Variants in ERLIN1 observed in about 807,000 individuals in gnomAD.
The protein encoded by ERLIN1 is erlin-1.
In ERLIN1, 24 loss-of-function variants were observed where a neutral mutation model predicts 46.9. That is an observed-to-expected ratio of 0.51 (90% confidence interval 0.37 to 0.72). ERLIN1 has a LOEUF of 0.72. ERLIN1 is among the 30% of genes least tolerant of loss of function. The probability of loss-of-function intolerance (pLI) is 0.00; values close to 1 mark genes in which losing one functional copy is unlikely to be tolerated. For missense variants in ERLIN1, 293 were observed against 417.9 expected, an observed-to-expected ratio of 0.70 and a Z score of 2.61; for synonymous variants, 158 against 143.2, an observed-to-expected ratio of 1.10 and a Z score of -0.74.
chr10:100,164,837 T>C (rs374760523), intron 7 of ERLIN1, among the ~76,000 whole-genome samples: 6 of 152,006 alleles, frequency 3.9e-5, no homozygotes, highest in African/African-American at 1.2e-4. Context: ...CTTCAGGCTA[T>C]AGGTGTATAT....
At chr10:100,155,748 T>G in intron 9 of ERLIN1, among the ~76,000 whole-genome samples, 1 of 152,136 alleles carries the variant, frequency 6.6e-6, no homozygotes. Context: ...TCTCCTGACC[T>G]TGTGATCCGC....
At chr10:100,154,471 A>G (rs1564796125) in intron 10 of ERLIN1, among the ~76,000 whole-genome samples, 1 of 152,234 alleles carries the variant, frequency 6.6e-6, no homozygotes. Flanking sequence ...CAACAATGAA[A>G]AAGTATCTCA....
In ERLIN1 at chr10:100,150,705, G is replaced by A. The variant is rs1170366788; in HGVS notation, c.*1426C>T. On this transcript the variant is annotated 3_prime_UTR_variant, in exon 11 of 11. Coordinates refer to ENST00000421367, the MANE Select transcript of ERLIN1 (RefSeq NM_006459.4). ...CCTGACAGCTGAAAGATTTCTAGAA[G>A]TGGTCCCATGACTTTTTTGTTGAGC... 7 of 152,606 alleles carry A rather than the reference G, an allele frequency of 4.6e-5. No individual in the cohort carries two copies. Among genetic ancestry groups the A allele is most frequent in the African/African-American group, 1.4e-4 (6 of 41,434 alleles). The allele number at this position is 152,606 out of a possible 1,614,324, so 9.5% of individuals were successfully genotyped here.
chr10:100,182,327 G>C (rs150867989), intron 2 of ERLIN1, among the ~76,000 whole-genome samples: 88 of 152,120 alleles, frequency 5.8e-4, no homozygotes, highest in Non-Finnish European at 1.0e-3. Context: ...ACTGCGCCGG[G>C]CCTTAGAGTC....
chr10:100,152,853 G>GC (rs1036905238), intron 10 of ERLIN1, among the ~76,000 whole-genome samples: 9 of 151,928 alleles, frequency 5.9e-5, no homozygotes, highest in African/African-American at 2.2e-4. Context: ...ACTGCACCCA[G>GC]CCTTTTTTTT....
chr10:100,175,743 T>C (rs1306255134), intron 5 of ERLIN1, among the ~76,000 whole-genome samples: 1 of 152,132 alleles, frequency 6.6e-6, no homozygotes, highest in African/African-American at 2.4e-5. Flanking sequence ...CAGAATACAG[T>C]CTGAGTAGTT....
rs1394539000 is a variant in ERLIN1 at position 100,158,386 on chromosome 10, CCAAA to C, written c.656-2156_656-2153del. On this transcript the variant is annotated intron_variant, in intron 8 of 10. Transcript: ENST00000421367. ...CATACTTGTAAATAGGTGCAAGCAG[CCAAA>C]CAAAATTGAAATAATACTGCCATAT... Among the ~76,000 whole-genome samples, 9 of 152,104 alleles carry C rather than the reference CCAAA, an allele frequency of 5.9e-5. No homozygotes were observed. In the East Asian group the frequency reaches 1.2e-3, roughly 20 times the overall value.
At chr10:100,178,003 C>T (rs1844408560) in intron 4 of ERLIN1, 130 bp downstream of exon 4, 8 of 657,832 alleles carry the variant, frequency 1.2e-5, no homozygotes, top group South Asian at 9.7e-5. Flanking sequence ...CTCTATTCCC[C>T]AGAAATTTAT....
chr10:100,154,752 C>T (rs759691783), intron 10 of ERLIN1, 108 bp downstream of exon 10: 3 of 856,680 alleles, frequency 3.5e-6, no homozygotes, highest in Non-Finnish European at 5.6e-6. Flanking sequence ...TTGGTCACTA[C>T]ACTTTCTTGA....
intron 8 of ERLIN1, among the ~76,000 whole-genome samples, chr10:100,162,076 A>G (rs375610824): frequency 9.2e-5 from 14 of 152,276 alleles, no homozygotes; most frequent in Middle Eastern, 3.4e-3. Context: ...AACTACACAT[A>G]TATGTATATC....
At chr10:100,162,473 C>T (rs1177907022) in intron 8 of ERLIN1, among the ~76,000 whole-genome samples, 1 of 152,072 alleles carries the variant, frequency 6.6e-6, no homozygotes, top group Non-Finnish European at 1.5e-5. Flanking sequence ...ATGGTAAAAT[C>T]AAAGAAGTAC....
intron 1 of ERLIN1, 23 bp downstream of exon 1, chr10:100,185,491 A>G (rs1365192036): frequency 7.7e-6 from 12 of 1,559,104 alleles, no homozygotes; most frequent in Non-Finnish European, 1.1e-5. Flanking sequence ...CTAGAGCCCT[A>G]ACTGACTGCA....
intron 7 of ERLIN1, among the ~76,000 whole-genome samples, chr10:100,166,482 G>T (rs1253569193): frequency 6.6e-6 from 1 of 151,406 alleles, no homozygotes; most frequent in Non-Finnish European, 1.5e-5. Context: ...GCTCAGAGAA[G>T]GTATGAGGGA....
chr10:100,160,522 CA>C (rs1215301871), intron 8 of ERLIN1, among the ~76,000 whole-genome samples: 1 of 152,092 alleles, frequency 6.6e-6, no homozygotes, highest in Non-Finnish European at 1.5e-5. Context: ...AAATTATCAG[CA>C]AACTATATAA....
chr10:100,169,395 A>T (rs1164251846), intron 6 of ERLIN1, among the ~76,000 whole-genome samples: 1 of 151,076 alleles, frequency 6.6e-6, no homozygotes, highest in East Asian at 1.9e-4. Flanking sequence ...TAATATAGTC[A>T]CTCCCTTAAA....
At chr10:100,181,113 C>A (rs996579450) in intron 2 of ERLIN1, among the ~76,000 whole-genome samples, 4 of 152,182 alleles carry the variant, frequency 2.6e-5, no homozygotes, top group African/African-American at 9.7e-5. Flanking sequence ...ATATTCCACA[C>A]CAACTTTAAA....
At chr10:100,155,323 A>C (rs1342922368) in intron 9 of ERLIN1, among the ~76,000 whole-genome samples, 1 of 151,856 alleles carries the variant, frequency 6.6e-6, no homozygotes, top group Admixed American at 6.6e-5. Context: ...AGAATCAGTC[A>C]ACAGAGACAG....
At chr10:100,161,442 T>C (rs1384428791) in intron 8 of ERLIN1, among the ~76,000 whole-genome samples, 1 of 150,586 alleles carries the variant, frequency 6.6e-6, no homozygotes, top group African/African-American at 2.5e-5. Flanking sequence ...CTCTCCTAAA[T>C]GGAGAAACAG....
chr10:100,167,763 G>C (rs1843727562), intron 6 of ERLIN1, among the ~76,000 whole-genome samples: 1 of 152,174 alleles, frequency 6.6e-6, no homozygotes, highest in African/African-American at 2.4e-5. Context: ...AAGCCGGGAA[G>C]GCAAAGTTCC....
Sources: allele counts gnomAD v4.1 joint callset (sites outside exome capture counted in the v4.1 genomes callset), GRCh38; gene constraint gnomAD v4.1.1; transcripts MANE v1.5; gene names NCBI Gene and HGNC (gene_info 2026-07-23, HGNC 2026-07-21).